Variants in UBA6 observed in about 807,000 individuals in gnomAD.
UBA6 encodes ubiquitin like modifier activating enzyme 6, also known as ubiquitin-like modifier-activating enzyme 6.
Under a neutral mutation model 148.3 loss-of-function variants are expected in UBA6, and 87 were observed. The ratio of observed to expected loss-of-function variants is 0.59; its 90% CI spans 0.49 to 0.70. The LOEUF (loss-of-function observed/expected upper bound fraction) is 0.70, where lower values mean the gene tolerates loss of function less well. Ranked by LOEUF, UBA6 falls within the 30% of genes least tolerant of loss-of-function variation. The pLI, the probability that UBA6 is intolerant of heterozygous loss-of-function variation, is 0.00. For synonymous variants in UBA6, 376 were observed against 401.0 expected, an observed-to-expected ratio of 0.94 and a Z score of 0.75; for missense variants, 1,186 against 1,241.2, an observed-to-expected ratio of 0.96 and a Z score of 0.67.
chr4:67,684,094 C>A (rs910147374), intron 2 of UBA6, among the ~76,000 whole-genome samples: 7 of 152,108 alleles, frequency 4.6e-5, no homozygotes, highest in Non-Finnish European at 7.4e-5. Context: ...AACAAAACAA[C>A]CCCCTGCCCC....
rs757842154 is a variant in UBA6 at position 67,668,603 on chromosome 4, A to G, written c.741T>C (p.Phe247=). The G allele has an allele frequency of 6.2e-7, 1 of 1,613,090 alleles. No individual in the cohort carries two copies. Among genetic ancestry groups the G allele is most frequent in the Non-Finnish European group, 8.5e-7 (1 of 1,179,156 alleles). Residue 247 remains phenylalanine (F), a synonymous_variant, in exon 9 of 33, where the codon TTT becomes TTC. Coordinates refer to ENST00000322244, the MANE Select transcript of UBA6 (RefSeq NM_018227.6). ...HKLETGQFLT[F]REINGMTGLN... ...AACCTGTCATTCCATTAATTTCTCG[A>G]AATGTTAGGAATTGTCCTGTCTCCA...
At chr4:67,650,970 G>T (rs1729541241) in intron 13 of UBA6, among the ~76,000 whole-genome samples, 1 of 152,036 alleles carries the variant, frequency 6.6e-6, no homozygotes, top group African/African-American at 2.4e-5. Flanking sequence ...CCACAAAAAG[G>T]TCATCCATTA....
intron 10 of UBA6, 105 bp from the exon 11 acceptor site, chr4:67,664,052 G>T: frequency 1.2e-6 from 1 of 823,620 alleles, no homozygotes; most frequent in Non-Finnish European, 1.9e-6. Context: ...TCTCCCAAGG[G>T]TCTGAAATAA....
At chr4:67,677,828 T>C in intron 5 of UBA6, 106 bp from the exon 6 acceptor site, 1 of 553,734 alleles carries the variant, frequency 1.8e-6, no homozygotes, top group Non-Finnish European at 3.1e-6. Context: ...GTTACAAAAT[T>C]TCAATGGAAA....
chr4:67,641,259 A>G, intron 17 of UBA6, 31 bp from the exon 18 acceptor site: 1 of 1,254,080 alleles, frequency 8.0e-7, no homozygotes, highest in Non-Finnish European at 1.1e-6. Context: ...CTGAAATTAC[A>G]TAATGGATAC....
At chr4:67,649,832 T>C (rs914505796) in intron 13 of UBA6, among the ~76,000 whole-genome samples, 1 of 152,208 alleles carries the variant, frequency 6.6e-6, no homozygotes, top group East Asian at 1.9e-4. Context: ...CAAAGATCTT[T>C]TCACGAGCCC....
chr4:67,655,496 A>G (rs946883747), intron 13 of UBA6, among the ~76,000 whole-genome samples: 6 of 152,240 alleles, frequency 3.9e-5, no homozygotes, highest in Admixed American at 3.3e-4. Context: ...ACCAATGAGA[A>G]CAAAGACACA....
At chr4:67,674,694 A>T (rs1730235508) in intron 6 of UBA6, among the ~76,000 whole-genome samples, 1 of 152,190 alleles carries the variant, frequency 6.6e-6, no homozygotes, top group Admixed American at 6.5e-5. Context: ...GACCCATCAC[A>T]TATTGAATCT....
In UBA6 at chr4:67,631,891, G is replaced by C; in HGVS notation, c.2160C>G (p.His720Gln). The C allele has an allele frequency of 3.7e-6, 6 of 1,611,500 alleles. No homozygotes were observed. The highest frequency in any genetic ancestry group is 5.1e-6 in the Non-Finnish European group (6 of 1,178,798). Reference protein sequence around the residue: ...YFNHKALQLLHCFPLDIRLKD... With the variant: ...YFNHKALQLLQCFPLDIRLKD... The stretch of plus-strand genomic sequence containing the variant: ...TTAATCGTATGTCCAGAGGGAAACA[G>C]TGAAGAAGCTGAAGAGCCTAAAGAA... The change falls in exon 24 of 33, where the codon CAC becomes CAG. Residue 720 changes from histidine to glutamine, a missense_variant. His to Gln is a conservative substitution (Grantham distance 24). Transcript: ENST00000322244.
chr4:67,670,416 A>G (rs763951936), intron 8 of UBA6, 54 bp downstream of exon 8: 9 of 1,478,704 alleles, frequency 6.1e-6, no homozygotes, highest in Admixed American at 1.8e-5. Context: ...TGAAAACAGC[A>G]TTCACATCAA....
intron 13 of UBA6, among the ~76,000 whole-genome samples, chr4:67,660,177 T>C (rs1344020391): frequency 6.6e-6 from 1 of 152,182 alleles, no homozygotes; most frequent in Non-Finnish European, 1.5e-5. Context: ...AGCCTGATGA[T>C]ACAATAGAAA....
intron 20 of UBA6, among the ~76,000 whole-genome samples, chr4:67,634,767 C>T (rs1412419699): frequency 6.6e-6 from 1 of 152,004 alleles, no homozygotes; most frequent in African/African-American, 2.4e-5. Context: ...ATTTAAAGCA[C>T]CATGTAGTAC....
At chr4:67,694,219 AAAAAAAAAAAAAAAAAAAAAAAAAAG>A (rs1443427164) in intron 2 of UBA6, among the ~76,000 whole-genome samples, 1 of 105,464 alleles carries the variant, frequency 9.5e-6, no homozygotes, top group African/African-American at 3.6e-5. Flanking sequence ...CCATCTCAAA[AAAAAAAAAAAAAAAAAAAAAAAAAAG>A]AAAAAATACA....
chr4:67,648,351 C>T (rs1426206655), intron 14 of UBA6, among the ~76,000 whole-genome samples: 1 of 151,042 alleles, frequency 6.6e-6, no homozygotes, highest in Non-Finnish European at 1.5e-5. Flanking sequence ...ATCTGTAACC[C>T]CAGCTACTTG....
chr4:67,681,533 C>T (rs377245987), intron 4 of UBA6, 30 bp downstream of exon 4: 7 of 1,520,270 alleles, frequency 4.6e-6, no homozygotes, highest in African/African-American at 1.4e-5. Context: ...AGGCTCATAA[C>T]AATTTTTCTT....
intron 19 of UBA6, among the ~76,000 whole-genome samples, chr4:67,637,779 G>C (rs1236004507): frequency 6.6e-6 from 1 of 152,034 alleles, no homozygotes; most frequent in East Asian, 1.9e-4. Flanking sequence ...CTAATCTCAA[G>C]TACCCAGGGA....
chr4:67,682,138 A>T lies in UBA6; in HGVS notation c.210T>A (p.Gly70=), dbSNP rs1730457071. The T allele has an allele frequency of 6.2e-7, 1 of 1,613,602 alleles. No homozygotes were observed. Among genetic ancestry groups the T allele is most frequent in the African/African-American group, 1.3e-5 (1 of 74,898 alleles). The part of the protein sequence containing the change: ...AKSHVFLSGM[G]GLGLEIAKNL... ...GCTTACCAATTTCCAAACCAAGACC[A>T]CCCATCCCACTTAAGAAAACATGGG... Residue 70 remains glycine (G), a synonymous_variant, in exon 3 of 33, where the codon GGT becomes GGA. Coordinates refer to ENST00000322244, the MANE Select transcript of UBA6 (RefSeq NM_018227.6).
At chr4:67,660,879 T>C (rs986381909) in intron 13 of UBA6, among the ~76,000 whole-genome samples, 2 of 152,210 alleles carry the variant, frequency 1.3e-5, no homozygotes, top group African/African-American at 4.8e-5. Context: ...CCCAAGACCA[T>C]GGGAACCCAC....
At position 67,682,116 on chromosome 4, in the gene UBA6, T is replaced by C. The variant is rs781110928; in HGVS notation, c.229+3A>G. On this transcript the variant is annotated splice_donor_region_variant and intron_variant, in intron 3 of 32. Transcript: ENST00000322244. Reference sequence around the variant, plus strand: ...AAAAATTAGGAATATAAATATTGCTTACCAATTTCCAAACCAAGACCACCC... The same window carrying C: ...AAAAATTAGGAATATAAATATTGCTCACCAATTTCCAAACCAAGACCACCC... The C allele has an allele frequency of 1.2e-6, 2 of 1,610,410 alleles. No homozygotes were observed. The highest frequency in any genetic ancestry group is 2.2e-5 in the East Asian group (1 of 44,848).
Sources: allele counts gnomAD v4.1 joint callset (sites outside exome capture counted in the v4.1 genomes callset), GRCh38; gene constraint gnomAD v4.1.1; transcripts MANE v1.5; gene names NCBI Gene and HGNC (gene_info 2026-07-23, HGNC 2026-07-21).